The following INPP4A variants were observed in gnomAD, a reference collection of about 807,000 sequenced individuals.
The protein encoded by INPP4A is inositol polyphosphate-4-phosphatase, type I, 107kD.
Under a neutral mutation model 119.8 loss-of-function variants are expected in INPP4A, and 33 were observed. The observed-to-expected ratio is 0.28, with a 90% CI of 0.21 to 0.37. The LOEUF is 0.37. INPP4A is among the 10% of genes least tolerant of loss of function. INPP4A has a pLI of 1.00. For synonymous variants in INPP4A, 496 were observed against 500.7 expected, an observed-to-expected ratio of 0.99 and a Z score of 0.12; for missense variants, 956 against 1,289.9, an observed-to-expected ratio of 0.74 and a Z score of 3.97.
chr2:98,507,489 G>GGGT (rs1369312478), intron 1 of INPP4A, among the ~76,000 whole-genome samples: 1 of 152,222 alleles, frequency 6.6e-6, no homozygotes, highest in African/African-American at 2.4e-5. Context: ...TGGATTGAAG[G>GGGT]GGTGGTGGTG....
intron 14 of INPP4A, among the ~76,000 whole-genome samples, chr2:98,553,721 G>A (rs1384503309): frequency 6.6e-6 from 1 of 152,166 alleles, no homozygotes; most frequent in Non-Finnish European, 1.5e-5. Context: ...AGATCCCCTG[G>A]AAAAGAAAGA....
Position 98,533,188 on chromosome 2 carries a change from G to A in INPP4A, c.152-189G>A, listed in dbSNP as rs191578604. Among the ~76,000 whole-genome samples, 7 of 152,350 alleles carry A rather than the reference G, an allele frequency of 4.6e-5. No individual in the cohort carries two copies. In the East Asian group the frequency reaches 5.8e-4, roughly 13 times the overall value. On this transcript the variant is annotated intron_variant, in intron 4 of 24. Coordinates refer to ENST00000409851, the MANE Select transcript of INPP4A (RefSeq NM_001134225.2). ...TGACATTGCTGTCTTGGAGGGTGGC[G>A]GGGAGGGGGCGTGAAAAGAGATTGT...
intron 5 of INPP4A, among the ~76,000 whole-genome samples, chr2:98,535,469 C>T (rs918608760): frequency 6.6e-6 from 1 of 152,194 alleles, no homozygotes; most frequent in Non-Finnish European, 1.5e-5. Flanking sequence ...AATGAGTCCT[C>T]AGGCACAGCT....
intron 1 of INPP4A, among the ~76,000 whole-genome samples, chr2:98,471,371 C>T (rs529099780): frequency 2.0e-5 from 3 of 152,250 alleles, no homozygotes; most frequent in South Asian, 2.1e-4. Flanking sequence ...TTGGCAATCT[C>T]GCAAAGCTAT....
intron 1 of INPP4A, among the ~76,000 whole-genome samples, chr2:98,498,251 G>A (rs1037436266): frequency 2.0e-5 from 3 of 151,978 alleles, no homozygotes; most frequent in Admixed American, 2.0e-4. Flanking sequence ...TGAATCATGG[G>A]GGGTGGATTC....
intron 24 of INPP4A, among the ~76,000 whole-genome samples, chr2:98,583,593 C>G (rs138422287): frequency 1.3e-5 from 2 of 152,342 alleles, no homozygotes; most frequent in African/African-American, 4.8e-5. Flanking sequence ...GTTGTGCCTC[C>G]ACTTTCTATC....
At chr2:98,581,628 A>T (rs760513777) in intron 24 of INPP4A, 3 of 1,574,254 alleles carry the variant, frequency 1.9e-6, no homozygotes, top group Non-Finnish European at 2.6e-6. Context: ...CCTGGTGCCC[A>T]TCCGAGACTT....
intron 1 of INPP4A, among the ~76,000 whole-genome samples, chr2:98,453,102 C>T (rs528431547): frequency 6.6e-6 from 1 of 152,302 alleles, no homozygotes; most frequent in South Asian, 2.1e-4. Flanking sequence ...GCCACCTCCA[C>T]GGTGTAATTT....
In INPP4A at chr2:98,539,692, G is replaced by A; in HGVS notation, c.818+17G>A. On this transcript the variant is annotated intron_variant, in intron 10 of 24. Coordinates refer to ENST00000409851, the MANE Select transcript of INPP4A (RefSeq NM_001134225.2). ...TGCAGCCAGGTGAGGCCACATGGAA[G>A]GACTGACTGTCCATCATACCCATGT... 1 of 1,597,468 alleles carries A rather than the reference G, an allele frequency of 6.3e-7. No homozygotes were observed. The highest frequency in any genetic ancestry group is 8.5e-7 in the Non-Finnish European group (1 of 1,173,422).
At chr2:98,484,855 G>A (rs1185543051) in intron 1 of INPP4A, among the ~76,000 whole-genome samples, 1 of 152,058 alleles carries the variant, frequency 6.6e-6, no homozygotes, top group Non-Finnish European at 1.5e-5. Flanking sequence ...ACATATGACG[G>A]AGCCATTATT....
At chr2:98,574,716 C>G (rs1001189078) in intron 23 of INPP4A, among the ~76,000 whole-genome samples, 3 of 151,756 alleles carry the variant, frequency 2.0e-5, no homozygotes, top group African/African-American at 7.3e-5. Flanking sequence ...TTCACTGATG[C>G]GTTCTCCTTG....
rs954413284 is a variant in INPP4A, at chr2:98,566,763, G to A, written c.2420+594G>A. Among the ~76,000 whole-genome samples, 1 of 152,162 alleles carries A rather than the reference G, an allele frequency of 6.6e-6. No homozygotes were observed. The highest frequency in any genetic ancestry group is 6.5e-5 in the Admixed American group (1 of 15,280). The stretch of plus-strand genomic sequence containing the variant: ...GTTGTGTGTGCCTGTGTGTGCACGT[G>A]TGCCTGTGTGCGCACATGTGTGTGA... On this transcript the variant is annotated intron_variant, in intron 21 of 24. Coordinates refer to ENST00000409851, the MANE Select transcript of INPP4A (RefSeq NM_001134225.2). This position sits in a 1 kb window ranked among gnomAD's most constrained non-coding sequence, Gnocchi z 4.2.
At chr2:98,539,467 C>G in intron 9 of INPP4A, 61 bp from the exon 10 acceptor site, 1 of 1,551,104 alleles carries the variant, frequency 6.4e-7, no homozygotes, top group Admixed American at 1.8e-5. Flanking sequence ...GGAGGAGAAC[C>G]CATGAGGCAG....
chr2:98,575,933 A>G (rs565477176), intron 23 of INPP4A, among the ~76,000 whole-genome samples: 17 of 152,310 alleles, frequency 1.1e-4, no homozygotes, highest in Admixed American at 5.2e-4. Flanking sequence ...AGATTTTAGA[A>G]AGTACTGTGG....
chr2:98,565,430 A>G (rs991917032), intron 19 of INPP4A, among the ~76,000 whole-genome samples: 1 of 152,186 alleles, frequency 6.6e-6, no homozygotes, highest in Non-Finnish European at 1.5e-5. Context: ...CACCAGATGC[A>G]TGTTTTGATG....
chr2:98,459,456 G>A (rs928831121), intron 1 of INPP4A, among the ~76,000 whole-genome samples: 2 of 152,220 alleles, frequency 1.3e-5, no homozygotes, highest in Admixed American at 6.5e-5. Context: ...GTCCGTGTTT[G>A]GGAGGCCCTC....
intron 4 of INPP4A, among the ~76,000 whole-genome samples, chr2:98,531,175 G>C (rs1689138401): frequency 6.6e-6 from 1 of 152,194 alleles, no homozygotes; most frequent in South Asian, 2.1e-4. Context: ...TTTGGGGTTT[G>C]TGTCAGAGGA....
intron 1 of INPP4A, among the ~76,000 whole-genome samples, chr2:98,472,617 A>C (rs958961515): frequency 6.6e-6 from 1 of 152,196 alleles, no homozygotes; most frequent in African/African-American, 2.4e-5. Flanking sequence ...GCCACAGCAC[A>C]TATGTCTGTG....
chr2:98,558,034 G>A (rs1694807028), intron 16 of INPP4A, among the ~76,000 whole-genome samples: 1 of 152,218 alleles, frequency 6.6e-6, no homozygotes, highest in Admixed American at 6.5e-5. Context: ...TTATGTGCTG[G>A]AATTTGCATG....
Sources: allele counts gnomAD v4.1 joint callset (sites outside exome capture counted in the v4.1 genomes callset), GRCh38; gene constraint gnomAD v4.1.1; non-coding constraint Gnocchi (gnomAD v3.1); transcripts MANE v1.5; gene names NCBI Gene and HGNC (gene_info 2026-07-23, HGNC 2026-07-21).